MATN2: variants seen among roughly 807,000 people sequenced by gnomAD.
MATN2 encodes the protein matrilin 2.
MATN2 carries 69 observed loss-of-function variants against 103.2 expected under a neutral mutation model. The ratio of observed to expected loss-of-function variants is 0.67; its 90% CI spans 0.55 to 0.82. The LOEUF is 0.82. MATN2 is among the 40% of genes least tolerant of loss of function. The pLI, the probability that MATN2 is intolerant of heterozygous loss-of-function variation, is 0.00. For missense variants in MATN2, 1,023 were observed against 1,211.5 expected, an observed-to-expected ratio of 0.84 and a Z score of 2.31; for synonymous variants, 429 against 450.2, an observed-to-expected ratio of 0.95 and a Z score of 0.60.
At chr8:97,983,486 C>A (rs1165280282) in intron 6 of MATN2, among the ~76,000 whole-genome samples, 2 of 152,122 alleles carry the variant, frequency 1.3e-5, no homozygotes, top group Non-Finnish European at 1.5e-5. Flanking sequence ...TCTCAGATAT[C>A]CAGGGTCTTT....
chr8:97,921,636 G>T (rs1486014405), intron 2 of MATN2, among the ~76,000 whole-genome samples: 1 of 152,216 alleles, frequency 6.6e-6, no homozygotes, highest in Non-Finnish European at 1.5e-5. Flanking sequence ...AGCACTGAGA[G>T]CTGGTCACAG....
chr8:97,907,876 G>A (rs1390710895), intron 2 of MATN2, among the ~76,000 whole-genome samples: 4 of 152,094 alleles, frequency 2.6e-5, no homozygotes, highest in Admixed American at 6.6e-5. Flanking sequence ...TCACTTTGAC[G>A]CCTATAATCC....
chr8:97,878,206 T>C (rs1469863160), intron 1 of MATN2, among the ~76,000 whole-genome samples: 1 of 152,230 alleles, frequency 6.6e-6, no homozygotes, highest in East Asian at 1.9e-4. Context: ...AGATACTTGA[T>C]ATTTCATCTA....
At chr8:98,008,215 C>G (rs770360151) in intron 10 of MATN2, among the ~76,000 whole-genome samples, 1 of 131,882 alleles carries the variant, frequency 7.6e-6, no homozygotes, top group South Asian at 2.7e-4. Flanking sequence ...TGCAGCTGGT[C>G]CCAAATCTTG....
intron 2 of MATN2, among the ~76,000 whole-genome samples, chr8:97,909,365 T>C (rs1357858359): frequency 1.1e-4 from 16 of 152,250 alleles, no homozygotes; most frequent in Non-Finnish European, 1.5e-5. Context: ...CATGCAGTAT[T>C]TGTCATTCTG....
chr8:98,033,306 T>C (rs1423356267), intron 17 of MATN2, 130 bp downstream of exon 17: 2 of 916,924 alleles, frequency 2.2e-6, no homozygotes, highest in African/African-American at 1.7e-5. Context: ...GAAGAAAGAA[T>C]TTAAGTAAAA....
chr8:97,932,520 C>T (rs771763909), intron 3 of MATN2, among the ~76,000 whole-genome samples: 1 of 152,192 alleles, frequency 6.6e-6, no homozygotes, highest in Non-Finnish European at 1.5e-5. Flanking sequence ...AGCTTTCTTT[C>T]CTCTTTTGCT....
At chr8:97,955,698 G>C (rs919632024) in intron 4 of MATN2, among the ~76,000 whole-genome samples, 1 of 152,208 alleles carries the variant, frequency 6.6e-6, no homozygotes, top group Non-Finnish European at 1.5e-5. Flanking sequence ...AAGACTTAGA[G>C]ACATGGCTCT....
chr8:97,915,515 A>G (rs916204635), intron 2 of MATN2, among the ~76,000 whole-genome samples: 1 of 152,168 alleles, frequency 6.6e-6, no homozygotes, highest in African/African-American at 2.4e-5. Flanking sequence ...GTGCCCTGTT[A>G]TCTAACTGGC....
intron 4 of MATN2, among the ~76,000 whole-genome samples, chr8:97,945,717 A>AAT (rs1554605716): frequency 0.033 from 4,075 of 121,728 alleles, 121 homozygotes; most frequent in African/African-American, 0.074. Flanking sequence ...AAAAAAAAAA[A>AAT]ATATATATAT....
intron 4 of MATN2, among the ~76,000 whole-genome samples, chr8:97,960,220 G>T (rs934099929): frequency 1.3e-5 from 2 of 152,220 alleles, no homozygotes; most frequent in African/African-American, 4.8e-5. Context: ...GCCTCCCAAA[G>T]TGTTGGGATT....
At chr8:97,958,213 C>T (rs1811197589) in intron 4 of MATN2, among the ~76,000 whole-genome samples, 1 of 152,172 alleles carries the variant, frequency 6.6e-6, no homozygotes, top group Non-Finnish European at 1.5e-5. Context: ...GAAAAATCAC[C>T]TGTATTCACA....
chr8:97,872,055 T>TTC (rs1817913554), intron 1 of MATN2, among the ~76,000 whole-genome samples: 1 of 152,236 alleles, frequency 6.6e-6, no homozygotes, highest in Non-Finnish European at 1.5e-5. Flanking sequence ...TAACAGGTGT[T>TTC]CAGTGCCTAG....
chr8:97,913,314 A>ATTTT (rs5893435), intron 2 of MATN2, among the ~76,000 whole-genome samples: 1 of 137,052 alleles, frequency 7.3e-6, no homozygotes, highest in Admixed American at 7.4e-5. Flanking sequence ...ACAGCAATCG[A>ATTTT]TTTTTTTTTT....
chr8:97,882,485 T>A (rs1187974903), intron 1 of MATN2, among the ~76,000 whole-genome samples: 1 of 152,032 alleles, frequency 6.6e-6, no homozygotes, highest in African/African-American at 2.4e-5. Context: ...TTTGACCTCC[T>A]GGGCTCAAGC....
intron 12 of MATN2, among the ~76,000 whole-genome samples, chr8:98,018,359 C>T (rs571013385): frequency 6.6e-6 from 1 of 152,206 alleles, no homozygotes; most frequent in Admixed American, 6.5e-5. Flanking sequence ...AGCCATCAGC[C>T]CTTTCCACAG....
chr8:97,953,923 T>C (rs762940715), intron 4 of MATN2, among the ~76,000 whole-genome samples: 5 of 151,990 alleles, frequency 3.3e-5, no homozygotes, highest in Non-Finnish European at 5.9e-5. Context: ...GATTGTGCCA[T>C]TGCACTCTAG....
At chr8:97,894,142 G>C (rs1056217025) in intron 2 of MATN2, among the ~76,000 whole-genome samples, 3 of 152,050 alleles carry the variant, frequency 2.0e-5, no homozygotes, top group African/African-American at 2.4e-5. Context: ...AAGGAAGTTG[G>C]CCCTGCAGTC....
chr8:97,898,367 G>C (rs1168138668), intron 2 of MATN2, among the ~76,000 whole-genome samples: 1 of 152,060 alleles, frequency 6.6e-6, no homozygotes. Context: ...AGGCCAAGGT[G>C]GGTGAATCAC....
Sources: gnomAD v4.1 joint callset for allele counts (sites outside exome capture counted in the v4.1 genomes callset) on GRCh38, gnomAD v4.1.1 for gene constraint, MANE v1.5 for transcripts, NCBI Gene and HGNC (gene_info 2026-07-23, HGNC 2026-07-21) for gene names.